KIAA1328: variants seen among roughly 807,000 people sequenced by gnomAD.
KIAA1328 encodes protein hinderin.
Under a neutral mutation model 68.1 loss-of-function variants are expected in KIAA1328, and 52 were observed. That is an observed-to-expected ratio of 0.76 (90% CI 0.61 to 0.96). The LOEUF (loss-of-function observed/expected upper bound fraction) is 0.96, where lower values mean the gene tolerates loss of function less well. KIAA1328 is among the 40% of genes least tolerant of loss of function. The pLI is 0.00. For synonymous variants in KIAA1328, 232 were observed against 239.4 expected, an observed-to-expected ratio of 0.97 and a Z score of 0.28; for missense variants, 641 against 677.6, an observed-to-expected ratio of 0.95 and a Z score of 0.60.
chr18:37,186,137 T>A (rs2059795220), intron 9 of KIAA1328, among the ~76,000 whole-genome samples: 1 of 144,554 alleles, frequency 6.9e-6, no homozygotes, highest in South Asian at 2.3e-4. Context: ...GTACTCCCTG[T>A]GTCCCCCAGG....
chr18:37,166,827 C>T (rs1264533439), intron 8 of KIAA1328, among the ~76,000 whole-genome samples: 1 of 152,006 alleles, frequency 6.6e-6, no homozygotes, highest in African/African-American at 2.4e-5. Context: ...AAATAAATAA[C>T]AATGAGGCAA....
At chr18:37,118,550 T>G (rs895875484) in intron 7 of KIAA1328, among the ~76,000 whole-genome samples, 5 of 152,080 alleles carry the variant, frequency 3.3e-5, no homozygotes, top group African/African-American at 4.8e-5. Context: ...GCAACCTATT[T>G]CCCCCTTGAT....
intron 5 of KIAA1328, among the ~76,000 whole-genome samples, chr18:36,891,705 T>C (rs1260880187): frequency 1.3e-5 from 2 of 152,186 alleles, no homozygotes; most frequent in Non-Finnish European, 2.9e-5. Context: ...ATCCACTCAT[T>C]GGTTGGTGGC....
chr18:37,067,700 C>T (rs967433966), intron 7 of KIAA1328, among the ~76,000 whole-genome samples, 155 bp downstream of exon 7: 2 of 152,006 alleles, frequency 1.3e-5, no homozygotes, highest in Admixed American at 6.6e-5. Context: ...GCTGGGATTA[C>T]AGGCGCCCGC....
At chr18:36,884,774 A>G (rs1176833561) in intron 4 of KIAA1328, among the ~76,000 whole-genome samples, 1 of 152,240 alleles carries the variant, frequency 6.6e-6, no homozygotes, top group Non-Finnish European at 1.5e-5. Context: ...CACACAGAGT[A>G]GAATGAAAAT....
intron 9 of KIAA1328, among the ~76,000 whole-genome samples, chr18:37,212,542 G>A (rs780099529): frequency 6.6e-6 from 1 of 151,984 alleles, no homozygotes; most frequent in South Asian, 2.1e-4. Context: ...CCTTTAAAAG[G>A]ACACCGATAA....
chr18:37,076,572 T>C (rs1334447868), intron 7 of KIAA1328, among the ~76,000 whole-genome samples: 2 of 151,462 alleles, frequency 1.3e-5, no homozygotes, highest in Non-Finnish European at 3.0e-5. Flanking sequence ...ATCAACAAAA[T>C]TGATAGACCG....
intron 7 of KIAA1328, among the ~76,000 whole-genome samples, chr18:37,121,275 G>C (rs1489116907): frequency 6.6e-6 from 1 of 152,066 alleles, no homozygotes; most frequent in East Asian, 1.9e-4. Flanking sequence ...AAATTTCTAA[G>C]TTATTGTAAA....
intron 7 of KIAA1328, among the ~76,000 whole-genome samples, chr18:37,111,104 C>T (rs1389365466): frequency 1.3e-5 from 2 of 152,058 alleles, no homozygotes; most frequent in African/African-American, 4.8e-5. Flanking sequence ...TCTGAGTCAA[C>T]TTGAGAAAAA....
At position 36,874,936 on chromosome 18, in the gene KIAA1328, T is replaced by C. The variant is rs137894455; in HGVS notation, c.333-10621T>C. Among the ~76,000 whole-genome samples, 992 of 152,320 alleles carry C rather than the reference T, an allele frequency of 6.5e-3. 15 individuals are homozygous for C. The highest frequency in any genetic ancestry group is 0.022 in the African/African-American group (918 of 41,578). On this transcript the variant is annotated intron_variant, in intron 4 of 9. Transcript: ENST00000280020. Reference sequence around the variant, plus strand: ...CCAACACCATTTATTTAATAGGAAATCCTTTCCCCATTGCTTGTTTCTGTC... The same window carrying C: ...CCAACACCATTTATTTAATAGGAAACCCTTTCCCCATTGCTTGTTTCTGTC...
chr18:36,854,192 C>G (rs746472668), intron 4 of KIAA1328, among the ~76,000 whole-genome samples: 6 of 152,166 alleles, frequency 3.9e-5, no homozygotes, highest in Non-Finnish European at 8.8e-5. Flanking sequence ...TGTGAGGACA[C>G]AGCAAGAAGG....
At position 36,844,080 on chromosome 18, in the gene KIAA1328, T is replaced by C. The variant is rs2046947292; in HGVS notation, c.238-128T>C. On this transcript the variant is annotated intron_variant, in intron 3 of 9. Coordinates refer to ENST00000280020, the MANE Select transcript of KIAA1328 (RefSeq NM_020776.3). ...GTTTTTAGTTCACAGTAGGTTTAAA[T>C]TGAAACAGGTAGATAGTGTTGCACC... 1.5e-5 allele frequency: 9 copies of C among 582,006 alleles called. No homozygotes were observed. The South Asian group carries it at 2.0e-4, about 13-fold the overall frequency. The allele number at this position is 582,006 out of a possible 1,614,324, so 36.1% of individuals were successfully genotyped here.
intron 5 of KIAA1328, among the ~76,000 whole-genome samples, chr18:36,938,975 G>A (rs904510504): frequency 3.3e-5 from 5 of 152,066 alleles, no homozygotes; most frequent in Non-Finnish European, 7.4e-5. Flanking sequence ...CCAGTACCGT[G>A]CTGTTTTGAT....
At chr18:36,912,517 G>C (rs1463562321) in intron 5 of KIAA1328, among the ~76,000 whole-genome samples, 2 of 152,074 alleles carry the variant, frequency 1.3e-5, no homozygotes, top group Admixed American at 6.6e-5. Context: ...CTTTTGCCAA[G>C]TAATGTAACA....
intron 6 of KIAA1328, among the ~76,000 whole-genome samples, chr18:36,970,474 A>G (rs953747473): frequency 1.3e-5 from 2 of 151,764 alleles, no homozygotes; most frequent in Non-Finnish European, 2.9e-5. Flanking sequence ...GGGAAGAGAA[A>G]GAAATAAATG....
chr18:37,063,561 G>C, intron 6 of KIAA1328: 4 of 835,686 alleles, frequency 4.8e-6, no homozygotes, highest in Non-Finnish European at 4.3e-6. Flanking sequence ...TAAAAGTTGC[G>C]TACACTAGGG....
At chr18:37,097,008 C>T (rs1435033768) in intron 7 of KIAA1328, among the ~76,000 whole-genome samples, 2 of 150,814 alleles carry the variant, frequency 1.3e-5, no homozygotes, top group Non-Finnish European at 2.9e-5. Flanking sequence ...CAAAAATTTT[C>T]TCCCATTCTG....
At chr18:37,075,212 A>G (rs1186277684) in intron 7 of KIAA1328, 2 of 151,874 alleles carry the variant, frequency 1.3e-5, no homozygotes, top group Non-Finnish European at 2.9e-5. Flanking sequence ...TCAACCCAGA[A>G]TTTCATATCC....
At chr18:37,074,918 A>G (rs922858088) in intron 7 of KIAA1328, 3 of 152,154 alleles carry the variant, frequency 2.0e-5, no homozygotes, top group African/African-American at 7.2e-5. Flanking sequence ...GCAGGATATT[A>G]TCCAGGAGAA....
Sources: allele counts gnomAD v4.1 joint callset (sites outside exome capture counted in the v4.1 genomes callset), GRCh38; gene constraint gnomAD v4.1.1; transcripts MANE v1.5; gene names NCBI Gene and HGNC (gene_info 2026-07-23, HGNC 2026-07-21).